Variants in SH3PXD2B observed in about 807,000 individuals in gnomAD.
SH3PXD2B encodes SH3 and PX domain-containing protein 2B.
A neutral mutation model predicts 73.1 loss-of-function variants in SH3PXD2B; 37 were observed. The ratio of observed to expected loss-of-function variants is 0.51; its 90% confidence interval spans 0.39 to 0.67. The LOEUF (loss-of-function observed/expected upper bound fraction) is 0.67. Among genes scored for constraint, SH3PXD2B ranks in the 30% least tolerant of loss-of-function variants. The probability of loss-of-function intolerance (pLI) is 0.00; values close to 1 mark genes in which losing one functional copy is unlikely to be tolerated. For missense variants in SH3PXD2B, 1,053 were observed against 1,197.8 expected (o/e 0.88, Z 1.78); for synonymous variants, 457 against 480.5 (o/e 0.95, Z 0.64).
In SH3PXD2B at chr5:172,339,685, G is replaced by A. The variant is rs1176856627; in HGVS notation, c.1420C>T (p.Pro474Ser). The A allele has an allele frequency of 6.2e-7, 1 of 1,614,124 alleles. No homozygotes were observed. The highest frequency in any genetic ancestry group is 1.3e-5 in the African/African-American group (1 of 74,952). Residue 474 changes from proline (P) to serine (S), a missense_variant, in exon 13 of 13, where the codon CCG (proline) becomes TCG (serine). Coordinates refer to ENST00000311601, the MANE Select transcript of SH3PXD2B (RefSeq NM_001017995.3). This position sits in a 1 kb window ranked among gnomAD's most constrained non-coding sequence, Gnocchi z 6.1. ...AACCCCGAGTCCATGACACCATGCG[G>A]TGCGTCAGGCAGGGGCCGGGAGGGG... ...TGPSRPLPDA[P>S]HGVMDSGLPW...
chr5:172,331,668 G>A (rs749194281), downstream of SH3PXD2B, among the ~76,000 whole-genome samples: 25 of 152,004 alleles, frequency 1.6e-4, no homozygotes, highest in Non-Finnish European at 3.2e-4. Context: ...ACAGTATGAC[G>A]GGGCTGGGCA....
chr5:172,381,688 G>A (rs367819011), intron 5 of SH3PXD2B, among the ~76,000 whole-genome samples: 1 of 152,182 alleles, frequency 6.6e-6, no homozygotes, highest in African/African-American at 2.4e-5. Context: ...GGCAGTTCCC[G>A]AGCACACCCA....
chr5:172,338,609 A>C lies in SH3PXD2B; in HGVS notation c.2496T>G (p.Ile832Met). The change falls in exon 13 of 13, where the codon ATT becomes ATG. Residue 832 changes from isoleucine to methionine, a missense_variant. Physicochemically the swap from Ile to Met is conservative, Grantham distance 10. Around this residue, in one of 2 missense-constraint regions of SH3PXD2B, gnomAD observed 587 missense variants for 590.7 expected, o/e 0.99. Coordinates refer to ENST00000311601, the MANE Select transcript of SH3PXD2B (RefSeq NM_001017995.3). The surrounding 1 kb of genome is among the most constrained non-coding windows in gnomAD (Gnocchi z 5.1). ...CAGCTGCTTTCTCCCTGTTTTCTCC[A>C]ATCTTGCCGGTCCCCCATGGCCCCA... Reference protein sequence around the residue: ...GSLGPWGTGKIGENREKAAAA... With the variant: ...GSLGPWGTGKMGENREKAAAA... 6.2e-7 allele frequency: 1 copy of C among 1,614,054 alleles called. No homozygotes were observed. The highest frequency in any genetic ancestry group is 8.5e-7 in the Non-Finnish European group (1 of 1,179,982).
chr5:172,397,219 T>C (rs1758322236), intron 3 of SH3PXD2B, among the ~76,000 whole-genome samples: 2 of 152,192 alleles, frequency 1.3e-5, no homozygotes, highest in Admixed American at 6.5e-5. Context: ...CGGTCTCCTG[T>C]AGCGCTCCCA....
At chr5:172,360,198 A>G (rs755539686) in intron 7 of SH3PXD2B, among the ~76,000 whole-genome samples, 9 of 152,198 alleles carry the variant, frequency 5.9e-5, no homozygotes, top group Non-Finnish European at 1.3e-4. Context: ...ATTTGTATGA[A>G]GATAAGGAAA....
rs1756682153 is a variant in SH3PXD2B at position 172,336,031 on chromosome 5, G to A, written c.*2338C>T. ...CTACCCAGCTGACCCCCGGGAGGAAGGAATGAAGCAAGAGAGAAACTCCTT... is the reference window on the plus strand; with the variant it reads ...CTACCCAGCTGACCCCCGGGAGGAAAGAATGAAGCAAGAGAGAAACTCCTT... On this transcript the variant is annotated 3_prime_UTR_variant, in exon 13 of 13. Coordinates refer to ENST00000311601, the MANE Select transcript of SH3PXD2B (RefSeq NM_001017995.3). 1.0e-6 allele frequency: 1 copy of A among 999,052 alleles called. No individual in the cohort carries two copies. Among genetic ancestry groups the A allele is most frequent in the Non-Finnish European group, 1.2e-6 (1 of 839,436 alleles). 61.9% of individuals were successfully genotyped at this position (999,052 alleles called of 1,614,324 possible).
Position 172,338,884 on chromosome 5 carries a change from T to C in SH3PXD2B, c.2221A>G (p.Lys741Glu), listed in dbSNP as rs1756771479. 1 of 1,613,782 alleles carries C rather than the reference T, an allele frequency of 6.2e-7. No individual in the cohort carries two copies. The highest frequency in any genetic ancestry group is 8.5e-7 in the Non-Finnish European group (1 of 1,179,700). ...TCTTGGAGAGGAACAGGCACGCTCT[T>C]AGACACAGGATCTGTGGTCTTGGCT... ...RPAKTTDPVS[K>E]SVPVPLQEAP... is the part of the protein sequence containing the mutation. Residue 741 changes from lysine to glutamate, a missense_variant, in exon 13 of 13, where the codon AAG (lysine) becomes GAG (glutamate). Around this residue, in one of 2 missense-constraint regions of SH3PXD2B, gnomAD observed 587 missense variants for 590.7 expected, o/e 0.99. Transcript: ENST00000311601. The surrounding 1 kb of genome is among the most constrained non-coding windows in gnomAD (Gnocchi z 5.1).
intron 2 of SH3PXD2B, among the ~76,000 whole-genome samples, chr5:172,406,635 C>T (rs183103287): frequency 1.3e-4 from 20 of 152,148 alleles, no homozygotes; most frequent in Admixed American, 5.9e-4. Context: ...GGATCTGAAA[C>T]GTGAACAACA....
chr5:172,388,340 C>T (rs1380429986), intron 4 of SH3PXD2B, among the ~76,000 whole-genome samples: 1 of 152,124 alleles, frequency 6.6e-6, no homozygotes, highest in Non-Finnish European at 1.5e-5. Flanking sequence ...ACAACAATGT[C>T]AGTAACAGAT....
At chr5:172,416,621 C>T (rs1312565941) in intron 2 of SH3PXD2B, among the ~76,000 whole-genome samples, 4 of 143,902 alleles carry the variant, frequency 2.8e-5, no homozygotes, top group Admixed American at 7.0e-5. Context: ...CCACTGCGCC[C>T]GGCCTCTACT....
intron 1 of SH3PXD2B, among the ~76,000 whole-genome samples, chr5:172,443,489 T>G (rs1168806410): frequency 6.6e-6 from 1 of 152,214 alleles, no homozygotes; most frequent in Non-Finnish European, 1.5e-5. Flanking sequence ...AGTGCACCTC[T>G]CTGTCCCAGC....
rs749007960 is a variant in SH3PXD2B at position 172,339,166 on chromosome 5, C to G, written c.1939G>C (p.Ala647Pro). The G allele has an allele frequency of 1.2e-5, 20 of 1,614,206 alleles. No homozygotes were observed. In the Admixed American group the frequency reaches 2.3e-4, roughly 19 times the overall value. ...GGTGGCTCCGTTTTGGGGGAAGGAG[C>G]TGGTTTTGGCCTAACCTGAGGTCTG... ...KSRPQVRPKP[A>P]PSPKTEPPQG... Residue 647 changes from alanine (A) to proline (P), a missense_variant, in exon 13 of 13, where the codon GCT becomes CCT. This residue lies in a region of SH3PXD2B where 587 missense variants were observed against 590.7 expected (regional missense o/e 0.99). Coordinates refer to ENST00000311601, the MANE Select transcript of SH3PXD2B (RefSeq NM_001017995.3). The surrounding 1 kb of genome is among the most constrained non-coding windows in gnomAD (Gnocchi z 6.1).
chr5:172,436,260 C>T (rs1759383453), intron 1 of SH3PXD2B, among the ~76,000 whole-genome samples: 2 of 152,312 alleles, frequency 1.3e-5, no homozygotes, highest in South Asian at 4.1e-4. Flanking sequence ...GGAGAGGCCC[C>T]GTGGGTGGGC....
At position 172,348,622 on chromosome 5, in the gene SH3PXD2B, CTATG is replaced by C. The variant is rs1370604320; in HGVS notation, c.1013-1294_1013-1291del. Among the ~76,000 whole-genome samples the C allele has an allele frequency of 1.9e-3, 223 of 116,304 alleles. 1 individual carries two copies. The highest frequency in any genetic ancestry group is 6.7e-3 in the African/African-American group (151 of 22,428). The allele number at this position is 116,304 out of a possible 152,430, so 76.3% of individuals were successfully genotyped here. On this transcript the variant is annotated intron_variant, in intron 10 of 12. Transcript: ENST00000311601. Reference sequence around the variant, plus strand: ...TCTTTGTTTTAGCATCTGAATCTATCTATGTATCTATCTATGTATCTATCTATCT... The same window carrying C: ...TCTTTGTTTTAGCATCTGAATCTATCTATCTATCTATGTATCTATCTATCT...
Position 172,346,154 on chromosome 5 carries a change from C to T in SH3PXD2B, c.1170G>A (p.Gln390=). 1 of 1,614,170 alleles carries T rather than the reference C, an allele frequency of 6.2e-7. No homozygotes were observed. Among genetic ancestry groups the T allele is most frequent in the Non-Finnish European group, 8.5e-7 (1 of 1,180,030 alleles). Residue 390 remains glutamine (Q), a synonymous_variant, in exon 12 of 13, where the codon CAG becomes CAA. Coordinates refer to ENST00000311601, the MANE Select transcript of SH3PXD2B (RefSeq NM_001017995.3). The part of the protein sequence containing the change: ...QTTIPDGISF[Q]AGLKVEVIEK... Reference sequence around the variant, plus strand: ...CACTCACCTCGACCTTCAGGCCTGCCTGGAAGCTGATGCCGTCTGGGATGG... The same window carrying T: ...CACTCACCTCGACCTTCAGGCCTGCTTGGAAGCTGATGCCGTCTGGGATGG...
chr5:172,415,955 T>C (rs1487498701), intron 2 of SH3PXD2B, among the ~76,000 whole-genome samples: 1 of 152,168 alleles, frequency 6.6e-6, no homozygotes, highest in Non-Finnish European at 1.5e-5. Flanking sequence ...AGATGTCAAG[T>C]AAGAGCATCA....
rs1327683255 is a variant in SH3PXD2B at position 172,416,712 on chromosome 5, T to C, written c.156+5704A>G. Among the ~76,000 whole-genome samples the C allele has an allele frequency of 3.5e-4, 19 of 55,018 alleles. 1 individual carries two copies. The highest frequency in any genetic ancestry group is 1.2e-3 in the African/African-American group (16 of 13,086). 36.1% of individuals were successfully genotyped at this position (55,018 alleles called of 152,430 possible). ...TCTCTCTCTCTTTTTTTTTTTTTTT[T>C]TTTTTTTTTTTTTTGATATAGGGTC... is the stretch of plus-strand genomic sequence containing the variant. On this transcript the variant is annotated intron_variant, in intron 2 of 12. Transcript: ENST00000311601.
intron 2 of SH3PXD2B, among the ~76,000 whole-genome samples, chr5:172,418,081 C>T (rs2113455973): frequency 1.3e-5 from 2 of 152,308 alleles, no homozygotes; most frequent in Middle Eastern, 3.4e-3. Flanking sequence ...CCCAGAAAAG[C>T]AGAGCAGCTA....
At chr5:172,431,055 C>A (rs111326096) in intron 1 of SH3PXD2B, among the ~76,000 whole-genome samples, 1 of 152,176 alleles carries the variant, frequency 6.6e-6, no homozygotes, top group Non-Finnish European at 1.5e-5. Context: ...TTAATAGAGA[C>A]GGGGTTTCAC....
Sources: gnomAD v4.1 joint callset for allele counts (sites outside exome capture counted in the v4.1 genomes callset) on GRCh38, gnomAD v4.1.1 for gene constraint, gnomAD v4.1.1 regional missense constraint, Gnocchi (gnomAD v3.1) non-coding constraint, MANE v1.5 for transcripts, NCBI Gene and HGNC (gene_info 2026-07-23, HGNC 2026-07-21) for gene names.